NRXN1: variants seen among roughly 807,000 people sequenced by gnomAD.
The protein encoded by NRXN1 is neurexin 1.
A neutral mutation model predicts 150.9 loss-of-function variants in NRXN1; 39 were observed. The observed-to-expected ratio is 0.26, with a 90% CI of 0.20 to 0.34. The LOEUF is 0.34. Ranked by LOEUF, NRXN1 falls within the 10% of genes least tolerant of loss-of-function variation. NRXN1 has a pLI of 1.00. For missense variants in NRXN1, 1,815 were observed against 1,949.9 expected, an observed-to-expected ratio of 0.93 and a Z score of 1.30; for synonymous variants, 924 against 757.0, an observed-to-expected ratio of 1.22 and a Z score of -3.62.
chr2:50,038,331 G>A (rs1573547823), intron 21 of NRXN1, among the ~76,000 whole-genome samples: 1 of 152,110 alleles, frequency 6.6e-6, no homozygotes, highest in East Asian at 1.9e-4. Context: ...TCCAAGATTA[G>A]GTTATAAAAA....
intron 17 of NRXN1, among the ~76,000 whole-genome samples, chr2:50,311,534 T>C (rs1402169): frequency 0.26 from 40,154 of 151,882 alleles, 6,758 homozygotes; most frequent in East Asian, 0.54. Flanking sequence ...GCAACTTGTG[T>C]ACTCCCCTCA....
In NRXN1 at chr2:50,357,302, A is replaced by ATTTATTTATTT. The variant is rs59536239; in HGVS notation, c.3364+108139_3364+108140insAAATAAATAAA. 1.3e-3 allele frequency among the ~76,000 whole-genome samples: 192 copies of ATTTATTTATTT among 142,890 alleles called. 1 individual carries two copies. The highest frequency in any genetic ancestry group is 3.6e-3 in the Middle Eastern group (1 of 280). 93.7% of individuals were successfully genotyped at this position (142,890 alleles called of 152,430 possible). ...AAATAATACATTTATTTATTTATTTATTTTTTTTTTTATTTATTATTTTGA... is the reference window on the plus strand; with the variant it reads ...AAATAATACATTTATTTATTTATTTATTTATTTATTTTTTTTTTTTTTATTTATTATTTTGA... On this transcript the variant is annotated intron_variant, in intron 17 of 22. Coordinates refer to ENST00000401669, the MANE Select transcript of NRXN1 (RefSeq NM_001330078.2).
chr2:50,147,279 C>T (rs531438926), intron 18 of NRXN1, among the ~76,000 whole-genome samples: 3 of 151,660 alleles, frequency 2.0e-5, no homozygotes, highest in Admixed American at 2.0e-4. Flanking sequence ...CTAGGAAAAG[C>T]TAATTGCAAA....
At chr2:50,314,007 A>G (rs1309058864) in intron 17 of NRXN1, among the ~76,000 whole-genome samples, 1 of 152,128 alleles carries the variant, frequency 6.6e-6, no homozygotes, top group East Asian at 1.9e-4. Flanking sequence ...ATTGAAAAAA[A>G]TAATTTACAC....
intron 2 of NRXN1, among the ~76,000 whole-genome samples, chr2:50,971,003 G>T (rs746109028): frequency 1.3e-5 from 2 of 151,844 alleles, no homozygotes; most frequent in Non-Finnish European, 2.9e-5. Context: ...TCTTTATCCT[G>T]CAAGAAAAGG....
intron 17 of NRXN1, among the ~76,000 whole-genome samples, chr2:50,286,379 G>A (rs1428454530): frequency 6.6e-6 from 1 of 152,110 alleles, no homozygotes; most frequent in Non-Finnish European, 1.5e-5. Context: ...GTGAGATCAT[G>A]TAGTATTCTT....
At chr2:50,627,394 T>TGTGTGC (rs1553903148) in intron 5 of NRXN1, among the ~76,000 whole-genome samples, 23 of 115,904 alleles carry the variant, frequency 2.0e-4, no homozygotes, top group East Asian at 9.2e-4. Flanking sequence ...TGTGTGTGTG[T>TGTGTGC]GCGCATACTA....
intron 5 of NRXN1, among the ~76,000 whole-genome samples, chr2:50,640,200 G>C (rs1003942042): frequency 2.0e-5 from 3 of 152,006 alleles, no homozygotes; most frequent in African/African-American, 7.2e-5. Context: ...CATAAGACTT[G>C]GGCACTGGGA....
At chr2:50,267,751 G>A (rs545540331) in intron 17 of NRXN1, among the ~76,000 whole-genome samples, 53 of 152,120 alleles carry the variant, frequency 3.5e-4, no homozygotes, top group African/African-American at 1.1e-3. Context: ...AGAAGTAACC[G>A]TTGTATAAAT....
intron 5 of NRXN1, among the ~76,000 whole-genome samples, chr2:50,869,436 C>T (rs1202871655): frequency 6.6e-6 from 1 of 150,390 alleles, no homozygotes; most frequent in Non-Finnish European, 1.5e-5. Flanking sequence ...GGTATCCTGA[C>T]TTAAAAGTAA....
intron 5 of NRXN1, among the ~76,000 whole-genome samples, chr2:50,779,063 T>C (rs1327510175): frequency 1.3e-5 from 2 of 152,140 alleles, no homozygotes; most frequent in Non-Finnish European, 2.9e-5. Flanking sequence ...CTGGGATACA[T>C]GTGCAGAACA....
chr2:50,278,024 T>A (rs1230798867), intron 17 of NRXN1, among the ~76,000 whole-genome samples: 1 of 149,554 alleles, frequency 6.7e-6, no homozygotes, highest in African/African-American at 2.5e-5. Flanking sequence ...GCCAAAGACA[T>A]TGACCATAGA....
At chr2:50,128,913 G>A (rs1428555592) in intron 18 of NRXN1, among the ~76,000 whole-genome samples, 1 of 150,230 alleles carries the variant, frequency 6.7e-6, no homozygotes, top group African/African-American at 2.5e-5. Flanking sequence ...AACCTGGGAG[G>A]TGCAGGTTGC....
intron 17 of NRXN1, among the ~76,000 whole-genome samples, chr2:50,422,327 A>T (rs933408151): frequency 3.9e-5 from 6 of 152,150 alleles, no homozygotes; most frequent in African/African-American, 1.4e-4. Context: ...CCTAGAGTAA[A>T]AACAAAGAAA....
chr2:50,320,511 T>C (rs1445101740), intron 17 of NRXN1, among the ~76,000 whole-genome samples: 1 of 151,642 alleles, frequency 6.6e-6, no homozygotes, highest in Non-Finnish European at 1.5e-5. Flanking sequence ...TGCCAAACGA[T>C]TTGGCAATGG....
chr2:50,164,862 A>T (rs1436317646), intron 18 of NRXN1, among the ~76,000 whole-genome samples: 1 of 152,150 alleles, frequency 6.6e-6, no homozygotes, highest in East Asian at 1.9e-4. Context: ...ATAAATAAAG[A>T]CAGGGACACT....
At chr2:50,344,193 TCTGCACTCACAC>T (rs2077755964) in intron 17 of NRXN1, among the ~76,000 whole-genome samples, 1 of 152,190 alleles carries the variant, frequency 6.6e-6, no homozygotes, top group Non-Finnish European at 1.5e-5. Context: ...TCTCAGTCCC[TCTGCACTCACAC>T]CTCACCCCAT....
At chr2:50,119,214 T>A (rs1703501582) in intron 18 of NRXN1, among the ~76,000 whole-genome samples, 1 of 152,204 alleles carries the variant, frequency 6.6e-6, no homozygotes, top group African/African-American at 2.4e-5. Flanking sequence ...CTTACCATTA[T>A]GTGTCTTTAT....
intron 17 of NRXN1, among the ~76,000 whole-genome samples, chr2:50,323,576 T>C (rs1575084450): frequency 6.6e-6 from 1 of 150,562 alleles, no homozygotes; most frequent in African/African-American, 2.4e-5. Flanking sequence ...ATAAACTATA[T>C]ATATATATAT....
Sources: allele counts gnomAD v4.1 joint callset (sites outside exome capture counted in the v4.1 genomes callset), GRCh38; gene constraint gnomAD v4.1.1; transcripts MANE v1.5; gene names NCBI Gene and HGNC (gene_info 2026-07-23, HGNC 2026-07-21).